Variants in PKHD1L1 observed in about 807,000 individuals in gnomAD.
The protein encoded by PKHD1L1 is PKHD1 like 1, also known as fibrocystin-L.
In PKHD1L1, 434 loss-of-function variants were observed where a neutral mutation model predicts 462.9. That is an observed-to-expected ratio of 0.94 (90% confidence interval 0.87 to 1.02). The LOEUF is 1.02. PKHD1L1 is among the 50% of genes least tolerant of loss of function. The pLI, the probability that PKHD1L1 is intolerant of heterozygous loss-of-function variation, is 0.00. For missense variants in PKHD1L1, 5,202 were observed against 5,096.1 expected (o/e 1.02, Z -0.63); for synonymous variants, 1,781 against 1,750.0 (o/e 1.02, Z -0.44).
chr8:109,409,868 C>T lies in PKHD1L1; in HGVS notation c.1975C>T (p.Gln659Ter). The T allele has an allele frequency of 6.4e-7, 1 of 1,568,682 alleles. No homozygotes were observed. Among genetic ancestry groups the T allele is most frequent in the East Asian group, 2.3e-5 (1 of 43,376 alleles). The part of the protein sequence containing the change: ...LTLWSSEAEF[Q>*]GAVEEMVSTK... ...AATGTTTATATTGTTAATTTAGTTTCAGGGAGCAGTGGAAGAAATGGTTAG... is the reference window on the plus strand; with the variant it reads ...AATGTTTATATTGTTAATTTAGTTTTAGGGAGCAGTGGAAGAAATGGTTAG... Residue 659 changes from glutamine (Q) to a stop codon, truncating the protein, a stop_gained, in exon 19 of 78, where the codon CAG becomes TAG. Transcript: ENST00000378402. LOFTEE classifies it high-confidence loss of function.
intron 11 of PKHD1L1, among the ~76,000 whole-genome samples, chr8:109,397,621 T>C (rs1209181367): frequency 6.6e-6 from 1 of 151,784 alleles, no homozygotes; most frequent in Non-Finnish European, 1.5e-5. Context: ...ACCCAGGAGG[T>C]GGAGGCTACG....
chr8:109,376,767 C>A (rs1322082498), intron 2 of PKHD1L1, among the ~76,000 whole-genome samples: 1 of 152,124 alleles, frequency 6.6e-6, no homozygotes, highest in Non-Finnish European at 1.5e-5. Context: ...TTTATTATTC[C>A]TAACTATCCA....
intron 56 of PKHD1L1, 102 bp from the exon 57 acceptor site, chr8:109,482,885 T>G: frequency 1.4e-6 from 1 of 702,278 alleles, no homozygotes; most frequent in African/African-American, 1.9e-5. Context: ...TCTAAAATGT[T>G]TAATCACATA....
At chr8:109,416,440 T>A (rs1288984977) in intron 21 of PKHD1L1, among the ~76,000 whole-genome samples, 2 of 152,182 alleles carry the variant, frequency 1.3e-5, no homozygotes, top group African/African-American at 4.8e-5. Context: ...TTTTAATAAT[T>A]AACAATATCA....
chr8:109,447,524 G>C (rs927149285), intron 38 of PKHD1L1, among the ~76,000 whole-genome samples: 2 of 152,142 alleles, frequency 1.3e-5, no homozygotes, highest in Admixed American at 1.3e-4. Flanking sequence ...TCAAAAGAGG[G>C]AAGCAAGAGA....
chr8:109,383,235 T>TTATATATAACA (rs1331312043), intron 4 of PKHD1L1, among the ~76,000 whole-genome samples: 1 of 89,648 alleles, frequency 1.1e-5, no homozygotes, highest in Non-Finnish European at 2.2e-5. Flanking sequence ...TTATATATAG[T>TTATATATAACA]TATATATAAC....
intron 62 of PKHD1L1, 36 bp from the exon 63 acceptor site, chr8:109,493,625 C>A: frequency 7.4e-7 from 1 of 1,359,228 alleles, no homozygotes; most frequent in Non-Finnish European, 1.0e-6. Flanking sequence ...GTTTACTAGC[C>A]TGATGCACAG....
chr8:109,445,106 G>A lies in PKHD1L1; in HGVS notation c.5237G>A (p.Ser1746Asn), dbSNP rs1816051906. 6.2e-7 allele frequency: 1 copy of A among 1,613,950 alleles called. No homozygotes were observed. The highest frequency in any genetic ancestry group is 8.5e-7 in the Non-Finnish European group (1 of 1,179,892). ...QGNCTFSYLE[S>N]ITPYITGVFP... ...AACTGCACCTTTTCATACTTAGAAA[G>A]CATCACTCCTTACATAACAGGAGTC... The change falls in exon 38 of 78, where the codon AGC (serine) becomes AAC (asparagine). Residue 1746 changes from serine to asparagine, a missense_variant. Ser to Asn is a conservative substitution (Grantham distance 46). Coordinates refer to ENST00000378402, the MANE Select transcript of PKHD1L1 (RefSeq NM_177531.6).
chr8:109,528,153 G>T (rs539087929), intron 77 of PKHD1L1, among the ~76,000 whole-genome samples: 2 of 152,288 alleles, frequency 1.3e-5, no homozygotes, highest in South Asian at 4.1e-4. Flanking sequence ...TGAAAGTTGG[G>T]ACTGTATAAA....
In PKHD1L1 at chr8:109,477,302, A is replaced by G. The variant is rs1426309213; in HGVS notation, c.8995A>G (p.Asn2999Asp). 2 of 1,613,514 alleles carry G rather than the reference A, an allele frequency of 1.2e-6. No individual in the cohort carries two copies. The highest frequency in any genetic ancestry group is 3.3e-5 in the Admixed American group (2 of 59,946). The stretch of plus-strand genomic sequence containing the variant: ...TCCTGATGTGAAAGACGTTGTTATT[A>G]ATTTCCAAGCTTACTGTTGTATTCT... The part of the protein sequence containing the change: ...LDPDVKDVVI[N>D]FQAYCCILQD... The change falls in exon 53 of 78, where the codon AAT (asparagine) becomes GAT (aspartate). Residue 2999 changes from asparagine (N) to aspartate (D), a missense_variant. Physicochemically the swap from Asn to Asp is conservative, Grantham distance 23. Coordinates refer to ENST00000378402, the MANE Select transcript of PKHD1L1 (RefSeq NM_177531.6).
intron 21 of PKHD1L1, among the ~76,000 whole-genome samples, chr8:109,415,925 G>A (rs79341750): frequency 0.035 from 5,065 of 142,942 alleles, 306 homozygotes; most frequent in African/African-American, 0.12. Flanking sequence ...ATAGTCTTCC[G>A]TTTTTAATAT....
In PKHD1L1 at chr8:109,461,841, G is replaced by A; in HGVS notation, c.7316G>A (p.Gly2439Asp). ...GAAATAGGAAGTGACCAATTTGGAGGCTGCGTTATGTTTCATGCTCCTGTA... is the reference window on the plus strand; with the variant it reads ...GAAATAGGAAGTGACCAATTTGGAGACTGCGTTATGTTTCATGCTCCTGTA... ...GEEIGSDQFGGCVMFHAPVPG... is the reference protein window; with the variant it reads ...GEEIGSDQFGDCVMFHAPVPG... Residue 2439 changes from glycine to aspartate, a missense_variant, in exon 48 of 78, where the codon GGC becomes GAC. Around this residue, in one of 3 missense-constraint regions of PKHD1L1, gnomAD observed 4,497 missense variants for 4,336.8 expected, o/e 1.04. Coordinates refer to ENST00000378402, the MANE Select transcript of PKHD1L1 (RefSeq NM_177531.6). 6.2e-7 allele frequency: 1 copy of A among 1,606,960 alleles called. No individual in the cohort carries two copies. Among genetic ancestry groups the A allele is most frequent in the Non-Finnish European group, 8.5e-7 (1 of 1,176,478 alleles).
intron 67 of PKHD1L1, 38 bp from the exon 68 acceptor site, chr8:109,504,289 T>C: frequency 8.0e-7 from 1 of 1,254,556 alleles, no homozygotes; most frequent in Non-Finnish European, 1.1e-6. Flanking sequence ...TCACTTTCTT[T>C]AGAGAAAATA....
In PKHD1L1 at chr8:109,475,194, T is replaced by C; in HGVS notation, c.8682T>C (p.Asn2894=). 1 of 1,612,644 alleles carries C rather than the reference T, an allele frequency of 6.2e-7. No homozygotes were observed. The highest frequency in any genetic ancestry group is 8.5e-7 in the Non-Finnish European group (1 of 1,179,164). ...GGATGGCTCTGATTCCAAATGCAAA[T>C]CACATTAACTGGTATTTTAAAGGTG... The part of the protein sequence containing the change: ...SGWMALIPNA[N]HINWYFKGVD... Residue 2894 remains asparagine (N), a synonymous_variant, in exon 51 of 78, where the codon AAT becomes AAC. Coordinates refer to ENST00000378402, the MANE Select transcript of PKHD1L1 (RefSeq NM_177531.6).
At chr8:109,385,286 C>T (rs62508062) in intron 5 of PKHD1L1, among the ~76,000 whole-genome samples, 3 of 150,454 alleles carry the variant, frequency 2.0e-5, no homozygotes, top group Non-Finnish European at 4.4e-5. Flanking sequence ...CCGATTGACC[C>T]AAGCTGTACT....
chr8:109,494,886 A>G (rs1586621205), intron 63 of PKHD1L1, among the ~76,000 whole-genome samples: 1 of 151,876 alleles, frequency 6.6e-6, no homozygotes, highest in South Asian at 2.1e-4. Context: ...TGCAGACTTT[A>G]CCCCTCAAGA....
rs1329213440 is a variant in PKHD1L1, at chr8:109,537,023, GATTA to G, written c.*6936_*6939del. Among the ~76,000 whole-genome samples the G allele has an allele frequency of 6.6e-6, 1 of 152,192 alleles. No homozygotes were observed. The highest frequency in any genetic ancestry group is 1.5e-5 in the Non-Finnish European group (1 of 68,036). ...AGCAAGTAAAATTCTCCAGTAGGAA[GATTA>G]ATAAAACAATTCATTAAAATTCTCA... On this transcript the variant is annotated 3_prime_UTR_variant, in exon 78 of 78. Transcript: ENST00000378402.
rs1817460264 is a variant in PKHD1L1 at position 109,466,704 on chromosome 8, T to C, written c.8540T>C (p.Leu2847Ser). Reference protein sequence around the residue: ...VCDASVSFHRLAFNQPSPVSL... With the variant: ...VCDASVSFHRSAFNQPSPVSL... The stretch of plus-strand genomic sequence containing the variant: ...GATGCTTCAGTCAGCTTTCACCGTT[T>C]AGCGTTCAACCAGCCTTCTCCAGTA... Residue 2847 changes from leucine (L) to serine (S), a missense_variant, in exon 50 of 78, where the codon TTA (leucine) becomes TCA (serine). Around this residue, in one of 3 missense-constraint regions of PKHD1L1, gnomAD observed 4,497 missense variants for 4,336.8 expected, o/e 1.04. Coordinates refer to ENST00000378402, the MANE Select transcript of PKHD1L1 (RefSeq NM_177531.6). 6.2e-7 allele frequency: 1 copy of C among 1,613,022 alleles called. No individual in the cohort carries two copies.
intron 56 of PKHD1L1, among the ~76,000 whole-genome samples, chr8:109,482,408 ATCTTTCTAATTC>A (rs1173541910): frequency 4.0e-5 from 6 of 151,884 alleles, no homozygotes; most frequent in African/African-American, 9.6e-5. Flanking sequence ...AAGAATACAC[ATCTTTCTAATTC>A]TCTTTTAAGG....
Sources: allele counts gnomAD v4.1 joint callset (sites outside exome capture counted in the v4.1 genomes callset), GRCh38; gene constraint gnomAD v4.1.1; regional missense constraint gnomAD v4.1.1; transcripts MANE v1.5; gene names NCBI Gene and HGNC (gene_info 2026-07-23, HGNC 2026-07-21).